CPA6: variants seen among roughly 807,000 people sequenced by gnomAD.
CPA6 encodes the protein carboxypeptidase A6, also known as carboxypeptidase B.
CPA6 carries 58 observed loss-of-function variants against 63.3 expected under a neutral mutation model. The ratio of observed to expected loss-of-function variants is 0.92; its 90% confidence interval spans 0.74 to 1.14. The LOEUF is 1.14. Ranked by LOEUF, CPA6 falls within the 50% of genes most tolerant of loss-of-function variation. The pLI, the probability that CPA6 is intolerant of heterozygous loss-of-function variation, is 0.00. For missense variants in CPA6, 565 were observed against 526.6 expected (o/e 1.07, Z -0.71); for synonymous variants, 185 against 179.0 (o/e 1.03, Z -0.27).
intron 8 of CPA6, among the ~76,000 whole-genome samples, chr8:67,448,659 AGAACGAAAAAG>A (rs1810486692): frequency 7.9e-6 from 1 of 126,842 alleles, no homozygotes; most frequent in African/African-American, 3.5e-5. Context: ...AAAAAAGGAA[AGAACGAAAAAG>A]AAAAAAAAAG....
chr8:67,607,154 CTCTTCTTCTTCTTCCTCTTCTTCT>C (rs1587627160), intron 2 of CPA6, among the ~76,000 whole-genome samples: 1 of 95,128 alleles, frequency 1.1e-5, no homozygotes, highest in African/African-American at 4.7e-5. Context: ...CCCCCCCCTC[CTCTTCTTCTTCTTCCTCTTCTTCT>C]TCTTCTTCTT....
At chr8:67,482,500 T>G (rs898544575) in intron 8 of CPA6, among the ~76,000 whole-genome samples, 1 of 152,212 alleles carries the variant, frequency 6.6e-6, no homozygotes, top group African/African-American at 2.4e-5. Context: ...GTTTTTCCCT[T>G]CATAAATGCA....
At chr8:67,616,821 G>A (rs747789155) in intron 2 of CPA6, among the ~76,000 whole-genome samples, 2 of 152,018 alleles carry the variant, frequency 1.3e-5, no homozygotes, top group East Asian at 1.9e-4. Flanking sequence ...CCTAGACAAC[G>A]AGAGACCCAT....
intron 2 of CPA6, among the ~76,000 whole-genome samples, chr8:67,574,588 C>T (rs1468051045): frequency 6.6e-6 from 1 of 152,040 alleles, no homozygotes; most frequent in Non-Finnish European, 1.5e-5. Flanking sequence ...TGAATCTGTT[C>T]CTCTATGGTC....
chr8:67,602,389 C>T (rs939639070), intron 2 of CPA6, among the ~76,000 whole-genome samples: 2 of 152,096 alleles, frequency 1.3e-5, no homozygotes, highest in African/African-American at 4.8e-5. Context: ...ATCCTTTGAA[C>T]ATCTTGAATT....
At chr8:67,725,611 C>T (rs150841283) in intron 1 of CPA6, among the ~76,000 whole-genome samples, 1 of 152,138 alleles carries the variant, frequency 6.6e-6, no homozygotes, top group Admixed American at 6.6e-5. Context: ...ACCTTGAACT[C>T]GTGGGTTCAA....
chr8:67,666,473 G>T lies in CPA6; in HGVS notation c.117-42222C>A, dbSNP rs1478145109. Among the ~76,000 whole-genome samples the T allele has an allele frequency of 3.9e-5, 6 of 152,286 alleles. No homozygotes were observed. In the East Asian group the frequency reaches 5.8e-4, roughly 15 times the overall value. The stretch of plus-strand genomic sequence containing the variant: ...GAGGGCCCTGGTAGCAGCCAGTAAA[G>T]CTGGGCAGGAGGGAGACATGGTCTG... On this transcript the variant is annotated intron_variant, in intron 1 of 10. Transcript: ENST00000297770.
At chr8:67,469,866 T>C (rs1167332665) in intron 8 of CPA6, among the ~76,000 whole-genome samples, 2 of 152,118 alleles carry the variant, frequency 1.3e-5, no homozygotes, top group Non-Finnish European at 2.9e-5. Flanking sequence ...TCTCTTTTTT[T>C]CCCCTTCCCT....
intron 2 of CPA6, among the ~76,000 whole-genome samples, chr8:67,565,894 C>CT (rs549046715): frequency 3.3e-4 from 50 of 152,186 alleles, no homozygotes; most frequent in Non-Finnish European, 6.3e-4. Context: ...TGGAGAATGC[C>CT]TCCTGCAAAT....
intron 1 of CPA6, among the ~76,000 whole-genome samples, chr8:67,692,635 G>A (rs1018953460): frequency 6.6e-6 from 1 of 152,110 alleles, no homozygotes; most frequent in Non-Finnish European, 1.5e-5. Flanking sequence ...TCAAAAGTGT[G>A]CAGGATAAAC....
chr8:67,573,172 A>C (rs1452074785), intron 2 of CPA6, among the ~76,000 whole-genome samples: 1 of 152,236 alleles, frequency 6.6e-6, no homozygotes, highest in Non-Finnish European at 1.5e-5. Flanking sequence ...CATTATACAC[A>C]ATGGTGAAAA....
intron 8 of CPA6, among the ~76,000 whole-genome samples, chr8:67,469,834 C>T (rs1290293648): frequency 1.3e-5 from 2 of 152,086 alleles, no homozygotes; most frequent in African/African-American, 4.8e-5. Context: ...ATCTCTTTTC[C>T]CTTCTCCACT....
intron 8 of CPA6, among the ~76,000 whole-genome samples, chr8:67,456,470 C>A (rs141927319): frequency 1.2e-3 from 184 of 152,294 alleles, no homozygotes; most frequent in Middle Eastern, 3.4e-3. Context: ...GCAGTCAAAC[C>A]TTTTCTGAAT....
At chr8:67,521,948 T>A (rs1470333314) in intron 2 of CPA6, among the ~76,000 whole-genome samples, 1 of 152,210 alleles carries the variant, frequency 6.6e-6, no homozygotes, top group African/African-American at 2.4e-5. Context: ...TTGAAGATGA[T>A]AATTATATCT....
At chr8:67,615,285 G>A (rs1262991906) in intron 2 of CPA6, among the ~76,000 whole-genome samples, 2 of 152,168 alleles carry the variant, frequency 1.3e-5, no homozygotes, top group Non-Finnish European at 2.9e-5. Context: ...TCTAAGAAAT[G>A]GCACCAAAGT....
chr8:67,576,383 T>C (rs1210904837), intron 2 of CPA6, among the ~76,000 whole-genome samples: 2 of 152,218 alleles, frequency 1.3e-5, no homozygotes, highest in South Asian at 2.1e-4. Context: ...CAAGATGTGC[T>C]AGCTGCACAC....
intron 1 of CPA6, among the ~76,000 whole-genome samples, chr8:67,728,153 AAAACAAAAC>A (rs1439068211): frequency 2.6e-5 from 4 of 151,638 alleles, no homozygotes; most frequent in African/African-American, 9.7e-5. Flanking sequence ...AAAACAAAAC[AAAACAAAAC>A]AAACTATTAT....
intron 8 of CPA6, among the ~76,000 whole-genome samples, chr8:67,467,432 A>T (rs951877754): frequency 5.3e-5 from 8 of 152,182 alleles, no homozygotes; most frequent in African/African-American, 1.9e-4. Context: ...CATGTTTTTC[A>T]CCGGATTCTG....
chr8:67,526,126 T>C (rs1812358466), intron 2 of CPA6, among the ~76,000 whole-genome samples: 1 of 152,204 alleles, frequency 6.6e-6, no homozygotes, highest in Non-Finnish European at 1.5e-5. Context: ...AGAAACGACT[T>C]ATTATGGAAT....
Sources: gnomAD v4.1 joint callset for allele counts (sites outside exome capture counted in the v4.1 genomes callset) on GRCh38, gnomAD v4.1.1 for gene constraint, MANE v1.5 for transcripts, NCBI Gene and HGNC (gene_info 2026-07-23, HGNC 2026-07-21) for gene names.